CLK4: variants seen among roughly 807,000 people sequenced by gnomAD.
The protein encoded by CLK4 is CDC like kinase 4, also known as dual specificity protein kinase CLK4.
A neutral mutation model predicts 64.4 loss-of-function variants in CLK4; 37 were observed. The ratio of observed to expected loss-of-function variants is 0.57; its 90% confidence interval spans 0.44 to 0.76. CLK4 has a LOEUF of 0.76. CLK4 is among the 30% of genes least tolerant of loss of function. The pLI is 0.00. For synonymous variants in CLK4, 175 were observed against 191.6 expected (o/e 0.91, Z 0.72); for missense variants, 457 against 605.1 (o/e 0.76, Z 2.57).
At chr5:178,608,229 G>A (rs1764494935) in intron 10 of CLK4, 147 bp downstream of exon 10, 1 of 586,676 alleles carries the variant, frequency 1.7e-6, no homozygotes, top group Non-Finnish European at 3.0e-6. Context: ...TTCAACTGTG[G>A]TTTTAAAGAA....
chr5:178,610,869 C>T (rs1265341760), intron 9 of CLK4, among the ~76,000 whole-genome samples: 1 of 151,980 alleles, frequency 6.6e-6, no homozygotes, highest in Admixed American at 6.6e-5. Flanking sequence ...GTCAGGAGTT[C>T]GAGACCAGCC....
At chr5:178,615,264 T>G (rs994049231) in intron 5 of CLK4, among the ~76,000 whole-genome samples, 1 of 152,162 alleles carries the variant, frequency 6.6e-6, no homozygotes, top group Non-Finnish European at 1.5e-5. Flanking sequence ...AAAAGGACAT[T>G]AATGGGATGA....
chr5:178,613,991 T>A (rs1010215757), intron 5 of CLK4, 148 bp from the exon 6 acceptor site: 18 of 584,988 alleles, frequency 3.1e-5, no homozygotes, highest in Middle Eastern at 3.6e-4. Context: ...CCATATAACA[T>A]CTTCTTAAAA....
In CLK4 at chr5:178,613,636, T is replaced by A; in HGVS notation, c.663A>T (p.Arg221=). 6.2e-7 allele frequency: 1 copy of A among 1,609,158 alleles called. No homozygotes were observed. Among genetic ancestry groups the A allele is most frequent in the Non-Finnish European group, 8.5e-7 (1 of 1,177,744 alleles). The change falls in exon 7 of 13, where the codon CGA becomes CGT. Residue 221 remains arginine, a synonymous_variant. Transcript: ENST00000316308. Reference sequence around the variant, plus strand: ...CAAACCATTCTAGCATCTGGACACATCGGCTAAAACAGAGCAAAATAATAA... The same window carrying A: ...CAAACCATTCTAGCATCTGGACACAACGGCTAAAACAGAGCAAAATAATAA... ...LNSTDPNSVF[R]CVQMLEWFDH... is the part of the protein sequence containing the mutation.
chr5:178,618,563 G>C lies in CLK4; in HGVS notation c.377C>G (p.Ser126Ter). 1 of 1,612,942 alleles carries C rather than the reference G, an allele frequency of 6.2e-7. No homozygotes were observed. The highest frequency in any genetic ancestry group is 2.2e-5 in the East Asian group (1 of 44,858). The part of the protein sequence containing the change: ...KRNRHCSSHQ[S>*]RSKSHRRKRS... ...AAACAAAACCAATCATACCGAACGT[G>C]ACTGATGACTTGAACAGTGTCTATT... The change falls in exon 3 of 13, where the codon TCA (serine) becomes TGA (stop). Residue 126 changes from serine to a stop codon, truncating the protein, a stop_gained. Transcript: ENST00000316308. LOFTEE classifies it high-confidence loss of function.
chr5:178,616,731 AGTTGC>A, intron 5 of CLK4, 146 bp downstream of exon 5: 1 of 572,928 alleles, frequency 1.7e-6, no homozygotes, highest in Non-Finnish European at 3.1e-6. Flanking sequence ...GGGAGGCGGC[AGTTGC>A]AGTGAGCCAA....
chr5:178,622,926 T>C (rs998686635), intron 2 of CLK4: 1 of 263,732 alleles, frequency 3.8e-6, no homozygotes, highest in Non-Finnish European at 7.2e-6. Context: ...GGGCATTCTA[T>C]CACTATTACT....
intron 10 of CLK4, 92 bp downstream of exon 10, chr5:178,608,284 G>A: frequency 1.2e-6 from 1 of 843,650 alleles, no homozygotes; most frequent in Non-Finnish European, 1.9e-6. Context: ...ATGATGTATG[G>A]CAATTTTCCA....
At chr5:178,619,968 C>T in intron 2 of CLK4, 1 of 452,928 alleles carries the variant, frequency 2.2e-6, no homozygotes, top group Non-Finnish European at 4.4e-6. Flanking sequence ...AATGGAGTGA[C>T]GGATGTTGAC....
At chr5:178,622,969 T>C (rs1230506727) in intron 2 of CLK4, 1 of 329,558 alleles carries the variant, frequency 3.0e-6, no homozygotes, top group Non-Finnish European at 5.6e-6. Context: ...CTAATCACGT[T>C]ACTGGCAGTT....
chr5:178,619,862 G>T, intron 2 of CLK4: 1 of 1,160,090 alleles, frequency 8.6e-7, no homozygotes, highest in African/African-American at 1.6e-5. Flanking sequence ...CTCTTCAACA[G>T]AGTGCGAAGC....
intron 2 of CLK4, chr5:178,620,383 C>T (rs1440734025): frequency 8.0e-6 from 2 of 249,094 alleles, no homozygotes; most frequent in Non-Finnish European, 1.6e-5. Flanking sequence ...GGAATTAGAG[C>T]TGCTAAGCCA....
intron 1 of CLK4, among the ~76,000 whole-genome samples, chr5:178,624,219 A>G (rs964617553): frequency 6.6e-6 from 1 of 152,228 alleles, no homozygotes; most frequent in African/African-American, 2.4e-5. Flanking sequence ...ACGGTGGCTC[A>G]TGCCTGTAAT....
Position 178,623,412 on chromosome 5 carries a change from C to T in CLK4, c.5G>A (p.Arg2Gln), listed in dbSNP as rs749504285. The change falls in exon 2 of 13, where the codon CGG becomes CAG. Residue 2 changes from arginine to glutamine, a missense_variant. Arg to Gln is a conservative substitution (Grantham distance 43, BLOSUM62 1). Coordinates refer to ENST00000316308, the MANE Select transcript of CLK4 (RefSeq NM_020666.3). M[R>Q]HSKRTHCPDW... ...AGGACAGTGAGTTCTTTTGGAATGC[C>T]GCATCTGTTGATAGAAATGAAAAGG... 6.2e-6 allele frequency: 10 copies of T among 1,607,390 alleles called. No homozygotes were observed. In the East Asian group the frequency reaches 9.0e-5, roughly 14 times the overall value.
chr5:178,620,010 C>G, intron 2 of CLK4: 1 of 395,028 alleles, frequency 2.5e-6, no homozygotes, highest in Admixed American at 2.5e-5. Flanking sequence ...TTTCCTTTCC[C>G]CAGAATATGC....
intron 10 of CLK4, among the ~76,000 whole-genome samples, chr5:178,606,749 G>A (rs1446618159): frequency 1.3e-5 from 2 of 152,080 alleles, no homozygotes; most frequent in African/African-American, 2.4e-5. Flanking sequence ...GATCACTTGA[G>A]GTCAGGAGTT....
chr5:178,604,107 T>G (rs898920160), intron 11 of CLK4, 173 bp from the exon 12 acceptor site: 2 of 467,786 alleles, frequency 4.3e-6, no homozygotes, highest in Non-Finnish European at 7.5e-6. Context: ...GGACACCTCA[T>G]ATCCTCCACC....
intron 2 of CLK4, among the ~76,000 whole-genome samples, chr5:178,619,227 C>G (rs753320386): frequency 2.2e-4 from 33 of 152,160 alleles, no homozygotes; most frequent in Non-Finnish European, 2.8e-4. Context: ...CTATAAGGAG[C>G]CTTAAATGTA....
In CLK4 at chr5:178,603,939, AG is replaced by A; in HGVS notation, c.1215-6del. ...TGGTGAAAATACTTGCGTTTTCTAC[AG>A]AAAAAAAAAAAAAGTCTGGATTAGT... On this transcript the variant is annotated splice_region_variant and splice_polypyrimidine_tract_variant and intron_variant, in intron 11 of 12. Transcript: ENST00000316308. The A allele has an allele frequency of 4.4e-6, 7 of 1,584,172 alleles. No individual in the cohort carries two copies. The highest frequency in any genetic ancestry group is 2.2e-5 in the East Asian group (1 of 44,710).
Sources: allele counts gnomAD v4.1 joint callset (sites outside exome capture counted in the v4.1 genomes callset), GRCh38; gene constraint gnomAD v4.1.1; transcripts MANE v1.5; gene names NCBI Gene and HGNC (gene_info 2026-07-23, HGNC 2026-07-21).